TBC1D1: variants seen among roughly 807,000 people sequenced by gnomAD.
TBC1D1 encodes TBC1 (tre-2/USP6, BUB2, cdc16) domain family, member 1.
Under a neutral mutation model 125.6 loss-of-function variants are expected in TBC1D1, and 89 were observed. The observed-to-expected ratio is 0.71, with a 90% CI of 0.60 to 0.85. TBC1D1 has a LOEUF of 0.85. Among genes scored for constraint, TBC1D1 ranks in the 40% least tolerant of loss-of-function variants. The pLI is 0.00. For missense variants in TBC1D1, 1,377 were observed against 1,469.2 expected (o/e 0.94, Z 1.03); for synonymous variants, 565 against 564.1 (o/e 1.00, Z -0.02).
At chr4:37,930,383 G>A (rs957629964) in intron 2 of TBC1D1, among the ~76,000 whole-genome samples, 2 of 152,092 alleles carry the variant, frequency 1.3e-5, no homozygotes, top group Admixed American at 6.5e-5. Flanking sequence ...GTGTAATGGC[G>A]TGATCATGGC....
At chr4:38,133,622 C>A (rs1197521471) in intron 19 of TBC1D1, among the ~76,000 whole-genome samples, 3 of 152,092 alleles carry the variant, frequency 2.0e-5, no homozygotes, top group Admixed American at 2.0e-4. Flanking sequence ...ATGAGCAAAA[C>A]CAGCTAGGTC....
chr4:38,014,296 G>A lies in TBC1D1; in HGVS notation c.418-213G>A, dbSNP rs1213582184. 1.1e-4 allele frequency among the ~76,000 whole-genome samples: 17 copies of A among 152,100 alleles called. No individual in the cohort carries two copies. The highest frequency in any genetic ancestry group is 6.5e-5 in the Admixed American group (1 of 15,274). On this transcript the variant is annotated intron_variant, in intron 2 of 19. Transcript: ENST00000261439. This position sits in a 1 kb window ranked among gnomAD's most constrained non-coding sequence, Gnocchi z 5.1. ...AGGTAAGAGGTGCTTCATAAGTGTCGTCCCCCTTCTCTTTTCTGTGGAAGC... is the reference window on the plus strand; with the variant it reads ...AGGTAAGAGGTGCTTCATAAGTGTCATCCCCCTTCTCTTTTCTGTGGAAGC...
At chr4:37,968,808 T>C (rs948373062) in intron 2 of TBC1D1, among the ~76,000 whole-genome samples, 1 of 151,878 alleles carries the variant, frequency 6.6e-6, no homozygotes, top group Non-Finnish European at 1.5e-5. Context: ...AGGTGTGGGG[T>C]TGGGAGAGGG....
At chr4:37,900,882 G>A (rs1715825549) in intron 1 of TBC1D1, among the ~76,000 whole-genome samples, 1 of 152,036 alleles carries the variant, frequency 6.6e-6, no homozygotes, top group Non-Finnish European at 1.5e-5. Context: ...GACCAGCCTG[G>A]CCAACATGGT....
intron 2 of TBC1D1, among the ~76,000 whole-genome samples, chr4:37,954,753 A>T (rs759711757): frequency 8.6e-5 from 13 of 151,494 alleles, no homozygotes; most frequent in Non-Finnish European, 1.6e-4. Flanking sequence ...TATGTGGGCG[A>T]TGAAGAGGCG....
intron 2 of TBC1D1, among the ~76,000 whole-genome samples, chr4:38,013,895 CT>C (rs1174121333): frequency 6.6e-6 from 1 of 152,310 alleles, no homozygotes; most frequent in East Asian, 1.9e-4. Context: ...TGTTGACTTG[CT>C]AGTCACTATT....
intron 2 of TBC1D1, among the ~76,000 whole-genome samples, chr4:37,945,538 A>AAAAAAAAAAAAAAAAAC (rs1726521112): frequency 7.0e-6 from 1 of 142,946 alleles, no homozygotes; most frequent in Non-Finnish European, 1.5e-5. Context: ...AAAAAAAAAA[A>AAAAAAAAAAAAAAAAAC]AAAAAAAAAA....
chr4:37,927,357 T>G (rs953626246), intron 2 of TBC1D1, among the ~76,000 whole-genome samples: 1 of 152,186 alleles, frequency 6.6e-6, no homozygotes, highest in African/African-American at 2.4e-5. Flanking sequence ...TTCTATTTTT[T>G]TGTGTGTGCC....
chr4:37,974,309 C>A (rs895451180), intron 2 of TBC1D1, among the ~76,000 whole-genome samples: 3 of 152,090 alleles, frequency 2.0e-5, no homozygotes, highest in Non-Finnish European at 2.9e-5. Flanking sequence ...CAACTCACTG[C>A]AGTTTCGACA....
At chr4:37,989,080 A>G (rs1013402975) in intron 2 of TBC1D1, among the ~76,000 whole-genome samples, 4 of 152,186 alleles carry the variant, frequency 2.6e-5, no homozygotes, top group Admixed American at 1.3e-4. Flanking sequence ...GGGAAAATCT[A>G]CTTTCTCTAA....
Position 37,902,223 on chromosome 4 carries a change from T to C in TBC1D1, c.128T>C (p.Val43Ala), listed in dbSNP as rs775796217. The C allele has an allele frequency of 1.2e-6, 2 of 1,614,000 alleles. No individual in the cohort carries two copies. The highest frequency in any genetic ancestry group is 1.1e-5 in the South Asian group (1 of 91,062). The stretch of plus-strand genomic sequence containing the variant: ...ACCACCATGCCCATGCTGCCCTGGG[T>C]TGTGGCTGAGGTGCGAAGACTCAGC... Residue 43 changes from valine to alanine, a missense_variant, in exon 2 of 20, where the codon GTT becomes GCT. Transcript: ENST00000261439.
At chr4:38,095,785 TG>T in intron 13 of TBC1D1, 143 bp from the exon 16 acceptor site, 1 of 779,648 alleles carries the variant, frequency 1.3e-6, no homozygotes, top group Non-Finnish European at 2.0e-6. Flanking sequence ...GGTAGAGGCA[TG>T]GACAGTGACT....
chr4:37,940,078 A>G (rs1358253986), intron 2 of TBC1D1, among the ~76,000 whole-genome samples: 2 of 152,236 alleles, frequency 1.3e-5, no homozygotes, highest in Non-Finnish European at 2.9e-5. Flanking sequence ...TGGTAGCTTA[A>G]TGGGGATGGC....
intron 11 of TBC1D1, among the ~76,000 whole-genome samples, chr4:38,052,728 G>GCACGCACA (rs1553926691): frequency 1.7e-5 from 2 of 118,276 alleles, no homozygotes; most frequent in African/African-American, 3.5e-5. Flanking sequence ...GCGCGCGCGC[G>GCACGCACA]CACACACACA....
intron 12 of TBC1D1, among the ~76,000 whole-genome samples, chr4:38,061,050 T>C (rs1304241457): frequency 6.6e-6 from 1 of 152,134 alleles, no homozygotes; most frequent in African/African-American, 2.4e-5. Flanking sequence ...TTGAGAAGAG[T>C]TGTGCTGTCT....
intron 15 of TBC1D1, among the ~76,000 whole-genome samples, chr4:38,108,764 A>T (rs193050654): frequency 6.6e-6 from 1 of 152,388 alleles, no homozygotes. Context: ...TAGAATCCAT[A>T]AAAGGTAAGA....
intron 12 of TBC1D1, among the ~76,000 whole-genome samples, chr4:38,068,305 TG>T (rs1754087402): frequency 6.6e-6 from 1 of 152,176 alleles, no homozygotes; most frequent in South Asian, 2.1e-4. Context: ...TCTGCCTGTG[TG>T]GAATGTTCTA....
chr4:38,063,923 C>T (rs1161634754), intron 12 of TBC1D1, among the ~76,000 whole-genome samples: 6 of 152,216 alleles, frequency 3.9e-5, no homozygotes, highest in Non-Finnish European at 8.8e-5. Context: ...GCCCGACCCA[C>T]CGCAGTCTAA....
intron 2 of TBC1D1, among the ~76,000 whole-genome samples, chr4:37,989,379 C>G (rs1168240896): frequency 6.6e-6 from 1 of 152,096 alleles, no homozygotes; most frequent in Non-Finnish European, 1.5e-5. Flanking sequence ...TCAAGTTGTC[C>G]CACCTTTCCA....
Sources: allele counts gnomAD v4.1 joint callset (sites outside exome capture counted in the v4.1 genomes callset), GRCh38; gene constraint gnomAD v4.1.1; non-coding constraint Gnocchi (gnomAD v3.1); transcripts MANE v1.5; gene names NCBI Gene and HGNC (gene_info 2026-07-23, HGNC 2026-07-21).